NEK10: variants seen among roughly 807,000 people sequenced by gnomAD.
NEK10 encodes serine/threonine-protein kinase Nek10.
Under a neutral mutation model 159.8 loss-of-function variants are expected in NEK10, and 122 were observed. The ratio of observed to expected loss-of-function variants is 0.76; its 90% CI spans 0.66 to 0.89. NEK10 has a LOEUF of 0.89. Among genes scored for constraint, NEK10 ranks in the 40% least tolerant of loss-of-function variants. NEK10 has a pLI of 0.00. For synonymous variants in NEK10, 466 were observed against 457.1 expected (o/e 1.02, Z -0.25); for missense variants, 1,342 against 1,323.1 (o/e 1.01, Z -0.22).
At chr3:27,262,328 A>T (rs935805571) in intron 22 of NEK10, among the ~76,000 whole-genome samples, 1 of 152,162 alleles carries the variant, frequency 6.6e-6, no homozygotes, top group Non-Finnish European at 1.5e-5. Flanking sequence ...GCTCTTCTCA[A>T]GGAGTATCTT....
intron 23 of NEK10, among the ~76,000 whole-genome samples, chr3:27,227,878 T>C (rs1952802558): frequency 6.6e-6 from 1 of 152,216 alleles, no homozygotes. Context: ...TTGAGTGGTA[T>C]AATAGCGTGG....
At chr3:27,251,829 C>G (rs1174535903) in intron 23 of NEK10, among the ~76,000 whole-genome samples, 2 of 152,102 alleles carry the variant, frequency 1.3e-5, no homozygotes, top group Non-Finnish European at 2.9e-5. Flanking sequence ...TACTTGATCT[C>G]ATTTACTCAC....
chr3:27,210,497 A>T (rs772453297), intron 23 of NEK10, among the ~76,000 whole-genome samples: 1 of 152,208 alleles, frequency 6.6e-6, no homozygotes, highest in Non-Finnish European at 1.5e-5. Context: ...TGGATGGAAC[A>T]AACTTTCAAA....
chr3:27,182,800 T>C (rs1289219800), intron 26 of NEK10, among the ~76,000 whole-genome samples: 6 of 151,964 alleles, frequency 3.9e-5, no homozygotes, highest in Non-Finnish European at 7.4e-5. Flanking sequence ...CTGAAAGACA[T>C]TATGTTAAGT....
chr3:27,276,135 G>T (rs1161456113), intron 22 of NEK10, among the ~76,000 whole-genome samples: 1 of 151,914 alleles, frequency 6.6e-6, no homozygotes, highest in African/African-American at 2.4e-5. Flanking sequence ...TTGTTCATTT[G>T]CTCATTAATT....
intron 33 of NEK10, among the ~76,000 whole-genome samples, chr3:27,118,652 G>C (rs965303650): frequency 5.3e-4 from 81 of 151,456 alleles, no homozygotes; most frequent in African/African-American, 1.8e-3. Context: ...AGGTTTTTGA[G>C]AGATTTTTAT....
chr3:27,248,302 C>T (rs73038801), intron 23 of NEK10, among the ~76,000 whole-genome samples: 2 of 151,654 alleles, frequency 1.3e-5, no homozygotes, highest in East Asian at 3.9e-4. Context: ...TTTAACTTTT[C>T]CAAAAAACAA....
chr3:27,162,392 T>G (rs1946095975), intron 30 of NEK10: 1 of 1,582,172 alleles, frequency 6.3e-7, no homozygotes. Flanking sequence ...TTCAGACATC[T>G]CAGGCCCAAC....
chr3:27,204,399 G>C (rs1175704562), intron 23 of NEK10, among the ~76,000 whole-genome samples: 2 of 107,816 alleles, frequency 1.9e-5, no homozygotes, highest in African/African-American at 7.3e-5. Flanking sequence ...ATGCTGGTGC[G>C]CTGCACCCAC....
intron 3 of NEK10, among the ~76,000 whole-genome samples, chr3:27,347,565 C>CTT (rs1382351815): frequency 2.2e-5 from 3 of 138,382 alleles, no homozygotes; most frequent in African/African-American, 7.9e-5. Flanking sequence ...ATATGCCTGA[C>CTT]TTTTTATAAT....
intron 23 of NEK10, among the ~76,000 whole-genome samples, chr3:27,222,780 C>G (rs1479608246): frequency 6.6e-6 from 1 of 151,818 alleles, no homozygotes; most frequent in African/African-American, 2.4e-5. Context: ...AAAAAAAACT[C>G]TACAAATATT....
At position 27,290,698 on chromosome 3, in the gene NEK10, G is replaced by A. The variant is rs765315842; in HGVS notation, c.1662C>T (p.Asn554=). ...CTTTCTTATCCTTTCCAAATGCTGGGTTATGTAAATTGACCTCTTTCATTG... is the reference window on the plus strand; with the variant it reads ...CTTTCTTATCCTTTCCAAATGCTGGATTATGTAAATTGACCTCTTTCATTG... ...LLAMKEVNLH[N]PAFGKDKKDR... The change falls in exon 19 of 36, where the codon AAC becomes AAT. Residue 554 remains asparagine, a synonymous_variant. Transcript: ENST00000691995. 38 of 1,607,830 alleles carry A rather than the reference G, an allele frequency of 2.4e-5. No homozygotes were observed. The South Asian group carries it at 4.1e-4, about 17-fold the overall frequency.
chr3:27,243,958 T>A (rs928278523), intron 23 of NEK10, among the ~76,000 whole-genome samples: 8 of 152,116 alleles, frequency 5.3e-5, no homozygotes, highest in African/African-American at 1.9e-4. Context: ...AATATCCACT[T>A]GAGGGACAGA....
chr3:27,285,072 T>A, intron 20 of NEK10, 111 bp from the exon 21 acceptor site: 1 of 762,556 alleles, frequency 1.3e-6, no homozygotes, highest in Non-Finnish European at 2.1e-6. Context: ...ACACTAACAC[T>A]AAAGAATTAG....
chr3:27,328,647 G>A (rs531388346), intron 5 of NEK10, among the ~76,000 whole-genome samples: 7 of 152,310 alleles, frequency 4.6e-5, no homozygotes, highest in African/African-American at 1.7e-4. Context: ...AGGGCCTTTG[G>A]ATTTTTTATC....
chr3:27,112,965 G>A (rs1939788800), intron 35 of NEK10, among the ~76,000 whole-genome samples: 1 of 152,180 alleles, frequency 6.6e-6, no homozygotes, highest in Non-Finnish European at 1.5e-5. Context: ...GGAGTTATGT[G>A]TTATTCACAG....
rs768863130 is a variant in NEK10, at chr3:27,192,203, T to C, written c.2331A>G (p.Val777=). Residue 777 remains valine (V), a synonymous_variant, in exon 26 of 36, where the codon GTA becomes GTG. Transcript: ENST00000691995. ...TPDAEARPDI[V]EVSSMISDVM... is the part of the protein sequence containing the mutation. ...CATCTGATATCATCGAACTGACTTC[T>C]ACAATATCTGGACGAGCTTCCGCAT... 3 of 1,614,094 alleles carry C rather than the reference T, an allele frequency of 1.9e-6. No homozygotes were observed. Among genetic ancestry groups the C allele is most frequent in the African/African-American group, 2.7e-5 (2 of 74,936 alleles).
In NEK10 at chr3:27,287,256, G is replaced by A. The variant is rs142338214; in HGVS notation, c.1789+442C>T. Among the ~76,000 whole-genome samples the A allele has an allele frequency of 2.0e-4, 30 of 151,906 alleles. No individual in the cohort carries two copies. In the East Asian group the frequency reaches 5.4e-3, roughly 27 times the overall value. ...TGCCAGAATCAGTCTGGGCTCCATC[G>A]CCACCTTTGTGGCATTTACCTGAAC... On this transcript the variant is annotated intron_variant, in intron 20 of 35. Transcript: ENST00000691995.
rs1489635449 is a variant in NEK10 at position 27,284,637 on chromosome 3, T to C, written c.1979A>G (p.Asn660Ser). The C allele has an allele frequency of 1.9e-6, 3 of 1,605,934 alleles. No homozygotes were observed. The highest frequency in any genetic ancestry group is 2.2e-5 in the South Asian group (2 of 90,922). Residue 660 changes from asparagine (N) to serine (S), a missense_variant, in exon 22 of 36, where the codon AAC (asparagine) becomes AGC (serine). Asn to Ser is a conservative substitution (Grantham distance 46, BLOSUM62 1). Coordinates refer to ENST00000691995, the MANE Select transcript of NEK10 (RefSeq NM_001394966.1). ...RIVHRDLTPN[N>S]IMLGDKDKVT... ...TTTGTCCTTATCCCCCAACATAATG[T>C]TGTTTGGTGTCAGATCTCTATGGAC...
Sources: gnomAD v4.1 joint callset for allele counts (sites outside exome capture counted in the v4.1 genomes callset) on GRCh38, gnomAD v4.1.1 for gene constraint, MANE v1.5 for transcripts, NCBI Gene and HGNC (gene_info 2026-07-23, HGNC 2026-07-21) for gene names.